CBLB: variants seen among roughly 807,000 people sequenced by gnomAD.
CBLB encodes the protein E3 ubiquitin-protein ligase CBL-B.
A neutral mutation model predicts 104.9 loss-of-function variants in CBLB; 31 were observed. The ratio of observed to expected loss-of-function variants is 0.30; its 90% CI spans 0.22 to 0.40. The LOEUF (loss-of-function observed/expected upper bound fraction) is 0.40, where lower values mean the gene tolerates loss of function less well. CBLB is among the 10% of genes least tolerant of loss of function. The pLI is 1.00. For missense variants in CBLB, 1,062 were observed against 1,214.6 expected, an observed-to-expected ratio of 0.87 and a Z score of 1.87; for synonymous variants, 440 against 422.6, an observed-to-expected ratio of 1.04 and a Z score of -0.51.
intron 6 of CBLB, among the ~76,000 whole-genome samples, chr3:105,742,708 A>G (rs1043200392): frequency 2.0e-5 from 3 of 152,236 alleles, no homozygotes; most frequent in African/African-American, 7.2e-5. Flanking sequence ...AAAAGTTAAA[A>G]TCTTAAAAAT....
intron 3 of CBLB, among the ~76,000 whole-genome samples, chr3:105,849,818 T>C (rs901188991): frequency 6.6e-6 from 1 of 152,096 alleles, no homozygotes; most frequent in Admixed American, 6.6e-5. Context: ...ATTTCAAAAC[T>C]ACTAAATTTG....
chr3:105,701,996 T>C, intron 12 of CBLB, 98 bp downstream of exon 12: 3 of 1,347,446 alleles, frequency 2.2e-6, no homozygotes, highest in Non-Finnish European at 3.2e-6. Flanking sequence ...GGAAGTGCCA[T>C]GCTAGGCAAA....
intron 3 of CBLB, among the ~76,000 whole-genome samples, chr3:105,817,324 C>T (rs1053428313): frequency 1.3e-5 from 2 of 151,916 alleles, no homozygotes; most frequent in East Asian, 3.9e-4. Context: ...GAACAGGGGA[C>T]AAGGAGGAGC....
chr3:105,823,782 C>T (rs370566058), intron 3 of CBLB, among the ~76,000 whole-genome samples: 49 of 152,014 alleles, frequency 3.2e-4, no homozygotes, highest in African/African-American at 1.0e-3. Flanking sequence ...TGAGCTCTTA[C>T]TCGCCAGGGT....
chr3:105,754,493 AAGAGAGAG>A (rs1208848396), intron 4 of CBLB, among the ~76,000 whole-genome samples: 10 of 64,240 alleles, frequency 1.6e-4, no homozygotes, highest in East Asian at 3.5e-4. Flanking sequence ...AAGAAAAGGG[AAGAGAGAG>A]AGAGAGAGAG....
At chr3:105,858,784 G>T (rs1198577016) in intron 2 of CBLB, among the ~76,000 whole-genome samples, 1 of 152,156 alleles carries the variant, frequency 6.6e-6, no homozygotes, top group Non-Finnish European at 1.5e-5. Flanking sequence ...TTACTGCTCA[G>T]AACCCTGATA....
intron 2 of CBLB, among the ~76,000 whole-genome samples, chr3:105,856,443 T>C (rs1442856148): frequency 6.6e-6 from 1 of 151,150 alleles, no homozygotes; most frequent in Non-Finnish European, 1.5e-5. Flanking sequence ...AAAAATCTGG[T>C]TCAAATTTCC....
chr3:105,721,280 G>C (rs987944601), intron 9 of CBLB, among the ~76,000 whole-genome samples: 1 of 152,140 alleles, frequency 6.6e-6, no homozygotes, highest in African/African-American at 2.4e-5. Flanking sequence ...ATTAATTCAG[G>C]ACTGTCCTGT....
chr3:105,701,429 C>A lies in CBLB; in HGVS notation c.1959+665G>T, dbSNP rs551303736. On this transcript the variant is annotated intron_variant, in intron 12 of 18. Coordinates refer to ENST00000394030, the MANE Select transcript of CBLB (RefSeq NM_170662.5). ...CTGATTTATGACATGTATAGTAACA[C>A]AACTTGTAAAAATTGGATGGAACTA... 9.2e-5 allele frequency among the ~76,000 whole-genome samples: 14 copies of A among 152,234 alleles called. No homozygotes were observed. The East Asian group carries it at 2.5e-3, about 27-fold the overall frequency.
In CBLB at chr3:105,868,952, C is replaced by T; in HGVS notation, c.-231G>A. On this transcript the variant is annotated 5_prime_UTR_variant, in exon 1 of 19. Coordinates refer to ENST00000394030, the MANE Select transcript of CBLB (RefSeq NM_170662.5). Reference sequence around the variant, plus strand: ...ACACCCGCTCTCCCCTCCCGCCCGACTCGGGGAGGCCGCGGGACGCCGCAG... The same window carrying T: ...ACACCCGCTCTCCCCTCCCGCCCGATTCGGGGAGGCCGCGGGACGCCGCAG... 9.8e-7 allele frequency: 1 copy of T among 1,022,944 alleles called. No homozygotes were observed. The highest frequency in any genetic ancestry group is 5.9e-5 in the Admixed American group (1 of 16,858). The allele number at this position is 1,022,944 out of a possible 1,614,324, so 63.4% of individuals were successfully genotyped here.
intron 3 of CBLB, among the ~76,000 whole-genome samples, chr3:105,852,945 G>T (rs190586105): frequency 3.3e-5 from 5 of 151,974 alleles, no homozygotes; most frequent in Non-Finnish European, 7.4e-5. Context: ...TCGAACTCCC[G>T]ACCTCAAGTG....
intron 6 of CBLB, 108 bp from the exon 7 acceptor site, chr3:105,740,739 C>T: frequency 1.1e-6 from 1 of 901,176 alleles, no homozygotes; most frequent in Non-Finnish European, 1.8e-6. Flanking sequence ...ATTTAGAATT[C>T]CTGAATACTC....
intron 3 of CBLB, 28 bp from the exon 4 acceptor site, chr3:105,776,570 A>G: frequency 6.2e-7 from 1 of 1,611,224 alleles, no homozygotes. Context: ...AAAAATGAAG[A>G]TAAGAAATAA....
intron 3 of CBLB, among the ~76,000 whole-genome samples, chr3:105,823,099 G>A (rs1031453075): frequency 1.3e-5 from 2 of 152,180 alleles, no homozygotes; most frequent in African/African-American, 4.8e-5. Flanking sequence ...AATGACAGAG[G>A]ACAGAAGGTT....
At chr3:105,869,046 TC>T, upstream of CBLB, 1 of 344,780 alleles carries the variant, frequency 2.9e-6, no homozygotes, top group South Asian at 2.6e-5. Context: ...GGACCCAGGC[TC>T]GGGGCGGGGC....
intron 3 of CBLB, among the ~76,000 whole-genome samples, chr3:105,838,993 C>A (rs765464614): frequency 3.3e-5 from 5 of 152,156 alleles, no homozygotes; most frequent in Non-Finnish European, 7.3e-5. Context: ...GAAAGGAGTT[C>A]TGAACACATC....
At chr3:105,704,269 C>T in intron 10 of CBLB, 96 bp from the exon 11 acceptor site, 2 of 1,138,804 alleles carry the variant, frequency 1.8e-6, no homozygotes, top group Non-Finnish European at 2.6e-6. Context: ...AGGTTTCTGG[C>T]ACCATACATT....
At chr3:105,837,086 C>T (rs1185073800) in intron 3 of CBLB, among the ~76,000 whole-genome samples, 2 of 152,078 alleles carry the variant, frequency 1.3e-5, no homozygotes, top group African/African-American at 4.8e-5. Context: ...ATAGCCTTAG[C>T]TAAAATTTAA....
intron 3 of CBLB, among the ~76,000 whole-genome samples, chr3:105,800,395 A>G (rs1421010258): frequency 3.9e-5 from 6 of 152,142 alleles, no homozygotes; most frequent in African/African-American, 1.2e-4. Flanking sequence ...TGAGCTGCAT[A>G]TCGGAATCAT....
Sources: allele counts gnomAD v4.1 joint callset (sites outside exome capture counted in the v4.1 genomes callset), GRCh38; gene constraint gnomAD v4.1.1; transcripts MANE v1.5; gene names NCBI Gene and HGNC (gene_info 2026-07-23, HGNC 2026-07-21).